Variants in SHKBP1 observed in about 807,000 individuals in gnomAD.
The protein encoded by SHKBP1 is SH3KBP1 binding protein 1, also known as SH3KBP1-binding protein 1.
A neutral mutation model predicts 83.9 loss-of-function variants in SHKBP1; 71 were observed. That is an observed-to-expected ratio of 0.85 (90% CI 0.70 to 1.03). The LOEUF is 1.03. SHKBP1 is among the 50% of genes least tolerant of loss of function. The probability of loss-of-function intolerance (pLI) is 0.00; values close to 1 mark genes in which losing one functional copy is unlikely to be tolerated. For synonymous variants in SHKBP1, 371 were observed against 398.0 expected (o/e 0.93, Z 0.81); for missense variants, 824 against 982.4 (o/e 0.84, Z 2.16).
chr19:40,577,519 C>A, intron 3 of SHKBP1, 38 bp from the exon 4 acceptor site: 1 of 1,614,026 alleles, frequency 6.2e-7, no homozygotes. Flanking sequence ...TCAGTCCTGC[C>A]TTTTACCCCA....
intron 12 of SHKBP1, 129 bp from the exon 13 acceptor site, chr19:40,586,645 C>T: frequency 2.2e-6 from 2 of 920,516 alleles, no homozygotes; most frequent in South Asian, 2.7e-5. Flanking sequence ...GGGATTACGG[C>T]GTGAGCCACC....
chr19:40,580,387 C>T lies in SHKBP1; in HGVS notation c.464C>T (p.Pro155Leu), dbSNP rs1384323356. 4 of 1,614,224 alleles carry T rather than the reference C, an allele frequency of 2.5e-6. No homozygotes were observed. The highest frequency in any genetic ancestry group is 3.4e-6 in the Non-Finnish European group (4 of 1,180,052). Residue 155 changes from proline to leucine, a missense_variant, in exon 7 of 18, where the codon CCA (proline) becomes CTA (leucine). Transcript: ENST00000291842. The part of the protein sequence containing the change: ...LVGPQQLGGR[P>L]APVRRSNTMP... Reference sequence around the variant, plus strand: ...GGGCCTCAGCAGCTAGGAGGACGGCCAGCCCCTGTCCGACGGAGCAACACG... The same window carrying T: ...GGGCCTCAGCAGCTAGGAGGACGGCTAGCCCCTGTCCGACGGAGCAACACG...
At position 40,580,803 on chromosome 19, in the gene SHKBP1, C is replaced by T. The variant is rs766099362; in HGVS notation, c.711C>T (p.Pro237=). Residue 237 remains proline (P), a synonymous_variant, in exon 9 of 18, where the codon CCC becomes CCT. Transcript: ENST00000291842. The stretch of plus-strand genomic sequence containing the variant: ...TTTCCAGCCCCCGCCTGGACTGGCC[C>T]ATCGAACGACTGGCGCTCACAGCCC... ...LVFSSPRLDW[P]IERLALTARV... is the part of the protein sequence containing the mutation. 1 of 1,612,842 alleles carries T rather than the reference C, an allele frequency of 6.2e-7. No individual in the cohort carries two copies. The highest frequency in any genetic ancestry group is 1.7e-5 in the Admixed American group (1 of 59,852).
In SHKBP1 at chr19:40,590,176, G is replaced by C; in HGVS notation, c.1590-68G>C. On this transcript the variant is annotated intron_variant, in intron 15 of 17. Transcript: ENST00000291842. This position sits in a 1 kb window ranked among gnomAD's most constrained non-coding sequence, Gnocchi z 4.6. The stretch of plus-strand genomic sequence containing the variant: ...TGGAGAGGCAGGAACTGCAGCCACA[G>C]TGGTGGGGACTGGGACGAGGAAGGG... The C allele has an allele frequency of 6.9e-7, 1 of 1,458,600 alleles. No homozygotes were observed. The highest frequency in any genetic ancestry group is 9.1e-7 in the Non-Finnish European group (1 of 1,098,418). The allele number at this position is 1,458,600 out of a possible 1,614,324, so 90.4% of individuals were successfully genotyped here.
rs1349231620 is a variant in SHKBP1 at position 40,588,239 on chromosome 19, G to C, written c.1337-385G>C. 2.6e-5 allele frequency among the ~76,000 whole-genome samples: 4 copies of C among 152,174 alleles called. No homozygotes were observed. The East Asian group carries it at 7.7e-4, about 29-fold the overall frequency. ...GTGACAAGGGCAGGAGCCACAGAGG[G>C]CTCCGAGCAGGGGAGGGACATGACT... On this transcript the variant is annotated intron_variant, in intron 13 of 17. Transcript: ENST00000291842.
At chr19:40,577,948 TAC>T (rs58880858) in intron 4 of SHKBP1, 158,959 of 557,478 alleles carry the variant, frequency 0.29, 7,290 homozygotes, top group Non-Finnish European at 0.31. Flanking sequence ...GATTTCTCCC[TAC>T]ACACACACAC....
chr19:40,579,797 T>TGAGGGGGGTGATC lies in SHKBP1; in HGVS notation c.401-523_401-522insGGGGTGATCGAGG, dbSNP rs574940978. Among the ~76,000 whole-genome samples, 3 of 152,164 alleles carry TGAGGGGGGTGATC rather than the reference T, an allele frequency of 2.0e-5. No individual in the cohort carries two copies. The East Asian group carries it at 5.8e-4, about 29-fold the overall frequency. On this transcript the variant is annotated intron_variant, in intron 6 of 17. Coordinates refer to ENST00000291842, the MANE Select transcript of SHKBP1 (RefSeq NM_138392.4). Reference sequence around the variant, plus strand: ...CTGTAATCCCAGCACTTTGGGAGGCTGAGGTGGGTGGATCACCTGAGGTCA... The same window carrying TGAGGGGGGTGATC: ...CTGTAATCCCAGCACTTTGGGAGGCTGAGGGGGGTGATCGAGGTGGGTGGATCACCTGAGGTCA...
At position 40,589,133 on chromosome 19, in the gene SHKBP1, C is replaced by G; in HGVS notation, c.1544C>G (p.Pro515Arg). 6.2e-7 allele frequency: 1 copy of G among 1,613,436 alleles called. No homozygotes were observed. Among genetic ancestry groups the G allele is most frequent in the Non-Finnish European group, 8.5e-7 (1 of 1,179,956 alleles). ...CAAGTGTTCATCCAGAAGGTGGTGCCCAGTGCCAGCCAGCTCTTCGTGCGT... is the reference window on the plus strand; with the variant it reads ...CAAGTGTTCATCCAGAAGGTGGTGCGCAGTGCCAGCCAGCTCTTCGTGCGT... ...DQQVFIQKVV[P>R]SASQLFVRLS... is the part of the protein sequence containing the mutation. Residue 515 changes from proline (P) to arginine (R), a missense_variant, in exon 15 of 18, where the codon CCC (proline) becomes CGC (arginine). Transcript: ENST00000291842.
Position 40,590,081 on chromosome 19 carries a change from A to T in SHKBP1, c.1590-163A>T. On this transcript the variant is annotated intron_variant, in intron 15 of 17. Coordinates refer to ENST00000291842, the MANE Select transcript of SHKBP1 (RefSeq NM_138392.4). This position sits in a 1 kb window ranked among gnomAD's most constrained non-coding sequence, Gnocchi z 4.6. Reference sequence around the variant, plus strand: ...CTGGGTGTTTGGGGCTGCGGTGTCCAAGAGCTGCTGGACCCTTGGGACTGG... The same window carrying T: ...CTGGGTGTTTGGGGCTGCGGTGTCCTAGAGCTGCTGGACCCTTGGGACTGG... 2 of 757,648 alleles carry T rather than the reference A, an allele frequency of 2.6e-6. No individual in the cohort carries two copies. The highest frequency in any genetic ancestry group is 4.1e-6 in the Non-Finnish European group (2 of 487,890). The allele number at this position is 757,648 out of a possible 1,614,324, so 46.9% of individuals were successfully genotyped here.
In SHKBP1 at chr19:40,590,295, G is replaced by A; in HGVS notation, c.1641G>A (p.Val547=). ...GCTCACCCACGACAGCCTTCACAGT[G>A]CTGGAGTGCGAGGGCTCCCGGCGGC... The part of the protein sequence containing the change: ...VDGSPTTAFT[V]LECEGSRRLG... The change falls in exon 16 of 18, where the codon GTG becomes GTA. Residue 547 remains valine (V), a synonymous_variant. Coordinates refer to ENST00000291842, the MANE Select transcript of SHKBP1 (RefSeq NM_138392.4). The surrounding 1 kb of genome is among the most constrained non-coding windows in gnomAD (Gnocchi z 4.6). The A allele has an allele frequency of 1.2e-6, 2 of 1,608,392 alleles. No individual in the cohort carries two copies. The highest frequency in any genetic ancestry group is 1.7e-6 in the Non-Finnish European group (2 of 1,177,994).
At chr19:40,581,536 A>AC (rs1431135175) in intron 9 of SHKBP1, among the ~76,000 whole-genome samples, 1 of 148,762 alleles carries the variant, frequency 6.7e-6, no homozygotes, top group Non-Finnish European at 1.5e-5. Flanking sequence ...AAAAAAAAAA[A>AC]AAACAAAAAA....
rs2081221741 is a variant in SHKBP1 at position 40,577,163 on chromosome 19, G to A, written c.87-68G>A. 3 of 1,584,134 alleles carry A rather than the reference G, an allele frequency of 1.9e-6. No homozygotes were observed. In the Admixed American group the frequency reaches 5.0e-5, roughly 27 times the overall value. ...GGAAGGGGAGGGAACCCTGGATCCT[G>A]CGGGAGGGGGACGCATTCCTCACCC... On this transcript the variant is annotated intron_variant, in intron 1 of 17. Transcript: ENST00000291842.
intron 10 of SHKBP1, 69 bp downstream of exon 10, chr19:40,582,535 T>C: frequency 7.4e-7 from 1 of 1,360,048 alleles, no homozygotes; most frequent in South Asian, 1.2e-5. Flanking sequence ...AGGAAGGGGT[T>C]CACGTCTGCC....
At chr19:40,578,735 T>A (rs1182049386) in intron 6 of SHKBP1, among the ~76,000 whole-genome samples, 193 bp downstream of exon 6, 1 of 152,160 alleles carries the variant, frequency 6.6e-6, no homozygotes, top group Admixed American at 6.5e-5. Context: ...ATGGGCCAGC[T>A]AACTCTTGAG....
chr19:40,582,538 C>T lies in SHKBP1; in HGVS notation c.960+72C>T, dbSNP rs537619594. On this transcript the variant is annotated intron_variant, in intron 10 of 17. Coordinates refer to ENST00000291842, the MANE Select transcript of SHKBP1 (RefSeq NM_138392.4). ...CTGTACAGACCCAGGAAGGGGTTCA[C>T]GTCTGCCCCCACCCCCACCCCCTAA... 116 of 1,293,746 alleles carry T rather than the reference C, an allele frequency of 9.0e-5. No homozygotes were observed. The East Asian group carries it at 2.1e-3, about 23-fold the overall frequency. The allele number at this position is 1,293,746 out of a possible 1,614,324, so 80.1% of individuals were successfully genotyped here.
rs753365956 is a variant in SHKBP1, at chr19:40,589,090, G to A, written c.1501G>A (p.Gly501Ser). ...CSAGNDIGPY[G>S]ERDDQQVFIQ... The stretch of plus-strand genomic sequence containing the variant: ...GCCCCTGCCTGGCCCAGGCCCCTAC[G>A]GTGAGCGGGACGACCAGCAAGTGTT... Residue 501 changes from glycine to serine, a missense_variant, in exon 15 of 18, where the codon GGT becomes AGT. By Grantham distance (56) the Gly-to-Ser change is moderately conservative. Coordinates refer to ENST00000291842, the MANE Select transcript of SHKBP1 (RefSeq NM_138392.4). 138 of 1,612,396 alleles carry A rather than the reference G, an allele frequency of 8.6e-5. No individual in the cohort carries two copies. The highest frequency in any genetic ancestry group is 1.5e-4 in the African/African-American group (11 of 74,920).
intron 14 of SHKBP1, 83 bp downstream of exon 14, chr19:40,588,862 C>T: frequency 6.5e-7 from 1 of 1,533,990 alleles, no homozygotes; most frequent in Non-Finnish European, 8.8e-7. Context: ...CACTTGCGGC[C>T]ACCTGACCCA....
At chr19:40,578,706 C>T (rs1335691103) in intron 6 of SHKBP1, among the ~76,000 whole-genome samples, 164 bp downstream of exon 6, 1 of 152,144 alleles carries the variant, frequency 6.6e-6, no homozygotes, top group African/African-American at 2.4e-5. Context: ...AAGTTGGACA[C>T]AGCATTTCCC....
intron 6 of SHKBP1, among the ~76,000 whole-genome samples, chr19:40,579,544 G>T (rs959030110): frequency 6.6e-6 from 1 of 152,036 alleles, no homozygotes; most frequent in Non-Finnish European, 1.5e-5. Flanking sequence ...TGCACCTGTG[G>T]TCCCAGCTAC....
Sources: allele counts gnomAD v4.1 joint callset (sites outside exome capture counted in the v4.1 genomes callset), GRCh38; gene constraint gnomAD v4.1.1; non-coding constraint Gnocchi (gnomAD v3.1); transcripts MANE v1.5; gene names NCBI Gene and HGNC (gene_info 2026-07-23, HGNC 2026-07-21).